ADGRA2: variants seen among roughly 807,000 people sequenced by gnomAD.
ADGRA2 encodes the protein G-protein coupled receptor 124.
Under a neutral mutation model 98.7 loss-of-function variants are expected in ADGRA2, and 61 were observed. That is an observed-to-expected ratio of 0.62 (90% CI 0.50 to 0.76). The LOEUF (loss-of-function observed/expected upper bound fraction) is 0.76, where lower values mean the gene tolerates loss of function less well. Ranked by LOEUF, ADGRA2 falls within the 30% of genes least tolerant of loss-of-function variation. The pLI, the probability that ADGRA2 is intolerant of heterozygous loss-of-function variation, is 0.00. For missense variants in ADGRA2, 1,712 were observed against 1,860.0 expected (o/e 0.92, Z 1.46); for synonymous variants, 858 against 831.5 (o/e 1.03, Z -0.55).
intron 1 of ADGRA2, among the ~76,000 whole-genome samples, chr8:37,808,369 C>T (rs1334056226): frequency 6.6e-6 from 1 of 152,098 alleles, no homozygotes; most frequent in African/African-American, 2.4e-5. Flanking sequence ...GGTCAGAGGA[C>T]GGAGCAGGTT....
chr8:37,821,828 T>C (rs1019631526), intron 2 of ADGRA2, among the ~76,000 whole-genome samples: 2 of 152,174 alleles, frequency 1.3e-5, no homozygotes, highest in African/African-American at 4.8e-5. Context: ...TAGAAGCAGA[T>C]GCTCATGGGA....
rs959340963 is a variant in ADGRA2, at chr8:37,802,219, C to T, written c.266+4685C>T. Among the ~76,000 whole-genome samples the T allele has an allele frequency of 2.6e-5, 4 of 152,214 alleles. No homozygotes were observed. The highest frequency in any genetic ancestry group is 5.9e-5 in the Non-Finnish European group (4 of 68,038). ...TCACTTCAGGGCCCCTCGTTACAGC[C>T]ACCAGGATCCAGTTAGGGGAATTTG... On this transcript the variant is annotated intron_variant, in intron 1 of 18. Coordinates refer to ENST00000412232, the MANE Select transcript of ADGRA2 (RefSeq NM_032777.10). The surrounding 1 kb of genome is among the most constrained non-coding windows in gnomAD (Gnocchi z 4.7).
chr8:37,841,578 G>T lies in ADGRA2; in HGVS notation c.3240G>T (p.Trp1080Cys). The part of the protein sequence containing the change: ...CARRRDVRAS[W>C]RACCPPASPA... Reference sequence around the variant, plus strand: ...GGCGGAGGGACGTGAGAGCCTCGTGGCGCGCCTGCTGCCCCCCTGCCTCTC... The same window carrying T: ...GGCGGAGGGACGTGAGAGCCTCGTGTCGCGCCTGCTGCCCCCCTGCCTCTC... Residue 1080 changes from tryptophan to cysteine, a missense_variant, in exon 19 of 19, where the codon TGG becomes TGT. By Grantham distance (215) the Trp-to-Cys change is radical. Coordinates refer to ENST00000412232, the MANE Select transcript of ADGRA2 (RefSeq NM_032777.10). The surrounding 1 kb of genome is among the most constrained non-coding windows in gnomAD (Gnocchi z 5.0). 1 of 1,594,510 alleles carries T rather than the reference G, an allele frequency of 6.3e-7. No homozygotes were observed. Among genetic ancestry groups the T allele is most frequent in the Admixed American group, 1.7e-5 (1 of 57,902 alleles).
At position 37,829,277 on chromosome 8, in the gene ADGRA2, C is replaced by T. The variant is rs769862036; in HGVS notation, c.427C>T (p.Arg143Trp). Residue 143 changes from arginine to tryptophan, a missense_variant, in exon 4 of 19, where the codon CGG becomes TGG. Transcript: ENST00000412232. Reference protein sequence around the residue: ...ELKRLDLSNNRIGCLTSETFQ... With the variant: ...ELKRLDLSNNWIGCLTSETFQ... ...TCTCTCTAGAGATCTCTCCAACAAC[C>T]GGATTGGCTGTCTCACCTCCGAGAC... The T allele has an allele frequency of 1.8e-5, 29 of 1,613,478 alleles. No individual in the cohort carries two copies. Among genetic ancestry groups the T allele is most frequent in the South Asian group, 6.6e-5 (6 of 91,050 alleles).
Position 37,833,289 on chromosome 8 carries a change from GCCCTATCTCCGGGC to G in ADGRA2, c.1296+83_1296+96del, listed in dbSNP as rs1805511917. 3.5e-6 allele frequency: 4 copies of G among 1,154,540 alleles called. No individual in the cohort carries two copies. The East Asian group carries it at 1.0e-4, about 30-fold the overall frequency. The allele number at this position is 1,154,540 out of a possible 1,614,324, so 71.5% of individuals were successfully genotyped here. A position where few individuals can be genotyped will look rare whatever the true frequency, so the allele number is the denominator to read the frequency against. ...GAAGCCAACCTAACGGGCAAGGGGA[GCCCTATCTCCGGGC>G]CGCTGGGCTGTGCCTCCTGTTCCTG... is the stretch of plus-strand genomic sequence containing the variant. On this transcript the variant is annotated intron_variant, in intron 9 of 18. Transcript: ENST00000412232.
chr8:37,840,694 C>G, intron 17 of ADGRA2, 66 bp from the exon 18 acceptor site: 1 of 849,182 alleles, frequency 1.2e-6, no homozygotes, highest in Non-Finnish European at 2.0e-6. Flanking sequence ...GCAAAGGGCT[C>G]TAAGCACCCA....
At chr8:37,832,749 C>A (rs1343720214) in intron 8 of ADGRA2, among the ~76,000 whole-genome samples, 1 of 152,192 alleles carries the variant, frequency 6.6e-6, no homozygotes, top group Non-Finnish European at 1.5e-5. Flanking sequence ...AGGATAAATA[C>A]CTTGCCTTAA....
At position 37,837,777 on chromosome 8, in the gene ADGRA2, G is replaced by A. The variant is rs1242497691; in HGVS notation, c.2097G>A (p.Leu699=). Residue 699 remains leucine (L), a synonymous_variant, in exon 14 of 19, where the codon CTG becomes CTA. Coordinates refer to ENST00000412232, the MANE Select transcript of ADGRA2 (RefSeq NM_032777.10). ...TGACAGAGCCAGTGGCCGTTTCGCT[G>A]CGGCACTGGGCTGAGGGAGCCGAAC... ...GNLTEPVAVS[L]RHWAEGAEPV... 1 of 1,551,740 alleles carries A rather than the reference G, an allele frequency of 6.4e-7. No homozygotes were observed. The highest frequency in any genetic ancestry group is 8.7e-7 in the Non-Finnish European group (1 of 1,147,706).
chr8:37,818,579 T>A (rs1002433296), intron 2 of ADGRA2, among the ~76,000 whole-genome samples: 1 of 152,154 alleles, frequency 6.6e-6, no homozygotes, highest in Non-Finnish European at 1.5e-5. Context: ...AAACGCTGAG[T>A]CCCAGCTCCT....
intron 1 of ADGRA2, among the ~76,000 whole-genome samples, chr8:37,801,458 T>C (rs1804501882): frequency 6.6e-6 from 1 of 152,266 alleles, no homozygotes; most frequent in South Asian, 2.1e-4. Flanking sequence ...CAGACCACTG[T>C]GAGCCCCAGT....
At chr8:37,836,060 CACACACACACACACA>C (rs1207425595) in intron 13 of ADGRA2, among the ~76,000 whole-genome samples, 5 of 149,048 alleles carry the variant, frequency 3.4e-5, no homozygotes, top group African/African-American at 1.3e-4. Flanking sequence ...CACACACACA[CACACACACACACACA>C]CACACACACA....
In ADGRA2 at chr8:37,797,362, C is replaced by T. The variant is rs941608819; in HGVS notation, c.94C>T (p.Arg32Trp). The T allele has an allele frequency of 1.4e-6, 2 of 1,417,194 alleles. No individual in the cohort carries two copies. Among genetic ancestry groups the T allele is most frequent in the Non-Finnish European group, 9.2e-7 (1 of 1,087,138 alleles). 87.8% of individuals were successfully genotyped at this position (1,417,194 alleles called of 1,614,324 possible). A position where few individuals can be genotyped will look rare whatever the true frequency, so the allele number is the denominator to read the frequency against. ...CCTGCTGCTCCTGGCGCCCGAGGCT[C>T]GGGGCGCGCCCGGCTGCCCGCTATC... is the stretch of plus-strand genomic sequence containing the variant. ...WLLLLLAPEA[R>W]GAPGCPLSIR... The change falls in exon 1 of 19, where the codon CGG becomes TGG. Residue 32 changes from arginine to tryptophan, a missense_variant. Arg to Trp is a moderately radical substitution (Grantham distance 101). Coordinates refer to ENST00000412232, the MANE Select transcript of ADGRA2 (RefSeq NM_032777.10). This position sits in a 1 kb window ranked among gnomAD's most constrained non-coding sequence, Gnocchi z 5.3.
intron 1 of ADGRA2, among the ~76,000 whole-genome samples, chr8:37,808,399 G>A (rs1320995945): frequency 6.6e-6 from 1 of 152,170 alleles, no homozygotes; most frequent in Non-Finnish European, 1.5e-5. Context: ...TCTGTCTTGT[G>A]GGGGTTGAAG....
rs1334906412 is a variant in ADGRA2, at chr8:37,797,552, C to G, written c.266+18C>G. On this transcript the variant is annotated intron_variant, in intron 1 of 18. Transcript: ENST00000412232. The surrounding 1 kb of genome is among the most constrained non-coding windows in gnomAD (Gnocchi z 5.3). ...GTTACCCTGTGAGTACCCTACCAGG[C>G]CAGTTCCGTCCGAGCCGGGACTGGG... 7.4e-7 allele frequency: 1 copy of G among 1,360,470 alleles called. No individual in the cohort carries two copies. The highest frequency in any genetic ancestry group is 2.8e-5 in the East Asian group (1 of 35,284). 84.3% of individuals were successfully genotyped at this position (1,360,470 alleles called of 1,614,324 possible).
chr8:37,833,822 C>G lies in ADGRA2; in HGVS notation c.1431C>G (p.Val477=). Residue 477 remains valine, a synonymous_variant, in exon 10 of 19, where the codon GTC becomes GTG. Transcript: ENST00000412232. ...AQMIQKFLGY[V]DQIKELVEVM... is the part of the protein sequence containing the mutation. The stretch of plus-strand genomic sequence containing the variant: ...TGATCCAGAAATTTTTGGGTTATGT[C>G]GACCAGATCAAAGAGGTGAGACTCA... The G allele has an allele frequency of 6.2e-7, 1 of 1,614,136 alleles. No individual in the cohort carries two copies. Among genetic ancestry groups the G allele is most frequent in the Non-Finnish European group, 8.5e-7 (1 of 1,180,018 alleles).
rs1324462760 is a variant in ADGRA2 at position 37,841,443 on chromosome 8, C to T, written c.3105C>T (p.Cys1035=). ...TCCTGTACTTGGCCATGTGGGCCTG[C>T]GGGGCTCTGGCAGTGTCCCAGCGCT... is the stretch of plus-strand genomic sequence containing the variant. ...THFLYLAMWA[C]GALAVSQRWL... The change falls in exon 19 of 19, where the codon TGC becomes TGT. Residue 1035 remains cysteine, a synonymous_variant. Coordinates refer to ENST00000412232, the MANE Select transcript of ADGRA2 (RefSeq NM_032777.10). The surrounding 1 kb of genome is among the most constrained non-coding windows in gnomAD (Gnocchi z 5.0). 2 of 1,612,698 alleles carry T rather than the reference C, an allele frequency of 1.2e-6. No individual in the cohort carries two copies. Among genetic ancestry groups the T allele is most frequent in the Non-Finnish European group, 1.7e-6 (2 of 1,179,770 alleles).
chr8:37,801,623 C>A (rs759695719), intron 1 of ADGRA2, among the ~76,000 whole-genome samples: 1 of 152,186 alleles, frequency 6.6e-6, no homozygotes, highest in Non-Finnish European at 1.5e-5. Flanking sequence ...GCAGGCACTC[C>A]GAGGATACCA....
Position 37,840,114 on chromosome 8 carries a change from C to A in ADGRA2, c.2512-7C>A. On this transcript the variant is annotated splice_region_variant and splice_polypyrimidine_tract_variant and intron_variant, in intron 16 of 18. Coordinates refer to ENST00000412232, the MANE Select transcript of ADGRA2 (RefSeq NM_032777.10). Reference sequence around the variant, plus strand: ...AGGTCCCCAGCCTCCGTGCCTTGACCCCGCAGGTGGGCATCACCCTGCACT... The same window carrying A: ...AGGTCCCCAGCCTCCGTGCCTTGACACCGCAGGTGGGCATCACCCTGCACT... 6.3e-7 allele frequency: 1 copy of A among 1,579,744 alleles called. No homozygotes were observed. The highest frequency in any genetic ancestry group is 1.7e-5 in the Admixed American group (1 of 57,334).
At chr8:37,839,826 T>G (rs1805736886) in intron 16 of ADGRA2, among the ~76,000 whole-genome samples, 1 of 151,650 alleles carries the variant, frequency 6.6e-6, no homozygotes. Flanking sequence ...TCAGAGAGAA[T>G]GGGAGATGGG....
Sources: allele counts gnomAD v4.1 joint callset (sites outside exome capture counted in the v4.1 genomes callset), GRCh38; gene constraint gnomAD v4.1.1; non-coding constraint Gnocchi (gnomAD v3.1); transcripts MANE v1.5; gene names NCBI Gene and HGNC (gene_info 2026-07-23, HGNC 2026-07-21).